Variants in NAV2 observed in about 807,000 individuals in gnomAD.
NAV2 encodes helicase, APC down-regulated 1.
NAV2 carries 54 observed loss-of-function variants against 223.2 expected under a neutral mutation model. The observed-to-expected ratio is 0.24, with a 90% confidence interval of 0.19 to 0.30. The LOEUF is 0.30. Among genes scored for constraint, NAV2 ranks in the 10% least tolerant of loss-of-function variants. The probability of loss-of-function intolerance (pLI) is 1.00; values close to 1 mark genes in which losing one functional copy is unlikely to be tolerated. For synonymous variants in NAV2, 1,279 were observed against 1,239.3 expected, an observed-to-expected ratio of 1.03 and a Z score of -0.67; for missense variants, 2,806 against 3,147.5, an observed-to-expected ratio of 0.89 and a Z score of 2.60.
intron 11 of NAV2, among the ~76,000 whole-genome samples, chr11:20,026,099 A>G (rs1419491737): frequency 1.3e-5 from 2 of 152,134 alleles, no homozygotes; most frequent in Non-Finnish European, 2.9e-5. Flanking sequence ...TTTTTTCTGC[A>G]GAGCTGTGGT....
intron 1 of NAV2, among the ~76,000 whole-genome samples, chr11:19,351,418 A>C (rs1005074975): frequency 5.3e-5 from 8 of 152,190 alleles, no homozygotes; most frequent in African/African-American, 1.9e-4. Flanking sequence ...TGTTTGAATT[A>C]TTCTCTGTGT....
chr11:19,592,235 C>T (rs1396874546), intron 1 of NAV2, among the ~76,000 whole-genome samples: 1 of 152,110 alleles, frequency 6.6e-6, no homozygotes, highest in Non-Finnish European at 1.5e-5. Flanking sequence ...CCAGCTGCTT[C>T]AGCCACCTTG....
At chr11:19,628,616 G>A (rs1316241734) in intron 1 of NAV2, among the ~76,000 whole-genome samples, 2 of 152,084 alleles carry the variant, frequency 1.3e-5, no homozygotes, top group Non-Finnish European at 2.9e-5. Context: ...CTGAAGTCCG[G>A]ATTCCTACAC....
At chr11:19,616,480 A>G (rs2046797591) in intron 1 of NAV2, among the ~76,000 whole-genome samples, 1 of 151,336 alleles carries the variant, frequency 6.6e-6, no homozygotes, top group Non-Finnish European at 1.5e-5. Context: ...TGTTGTTGAG[A>G]CTCTCCTAGG....
At chr11:19,547,379 T>C (rs906624584) in intron 1 of NAV2, among the ~76,000 whole-genome samples, 7 of 152,180 alleles carry the variant, frequency 4.6e-5, no homozygotes, top group African/African-American at 1.7e-4. Flanking sequence ...AACACAAAAC[T>C]GCTGACACCA....
chr11:19,556,468 C>A (rs1379070553), intron 1 of NAV2, among the ~76,000 whole-genome samples: 1 of 152,162 alleles, frequency 6.6e-6, no homozygotes, highest in Non-Finnish European at 1.5e-5. Flanking sequence ...CTGGAGGAAC[C>A]ACAGCAGGGA....
At chr11:19,793,749 G>T (rs941928001) in intron 1 of NAV2, among the ~76,000 whole-genome samples, 2 of 152,150 alleles carry the variant, frequency 1.3e-5, no homozygotes, top group Non-Finnish European at 2.9e-5. Flanking sequence ...CCCTGTCCTG[G>T]CCTGGAGTGC....
chr11:20,093,177 A>T lies in NAV2; in HGVS notation c.5894A>T (p.Gln1965Leu), dbSNP rs770289376. ...GRHVKIVVSF[Q>L]EEMKWKEDSR... is the part of the protein sequence containing the mutation. ...CATGTTAAGATAGTTGTCAGCTTTC[A>T]GGAGGAAATGAAGTGGAAGGAGGTT... The change falls in exon 29 of 38, where the codon CAG becomes CTG. Residue 1965 changes from glutamine to leucine, a missense_variant. By Grantham distance (113) the Gln-to-Leu change is moderately radical. Transcript: ENST00000349880. 3 of 1,613,774 alleles carry T rather than the reference A, an allele frequency of 1.9e-6. No homozygotes were observed. The South Asian group carries it at 3.3e-5, about 18-fold the overall frequency.
intron 2 of NAV2, 25 bp downstream of exon 2, chr11:19,832,626 G>A (rs370144719): frequency 2.0e-5 from 32 of 1,591,862 alleles, no homozygotes; most frequent in Admixed American, 5.0e-5. Context: ...TACCTTGGGG[G>A]TAATGAGTTA....
chr11:19,685,961 G>A (rs1293690580), intron 1 of NAV2, among the ~76,000 whole-genome samples: 2 of 142,236 alleles, frequency 1.4e-5, no homozygotes, highest in South Asian at 4.9e-4. Flanking sequence ...ACTCTCCAGA[G>A]GCTTCTCACA....
At chr11:20,055,722 C>G in intron 18 of NAV2, 47 bp from the exon 19 acceptor site, 1 of 1,529,584 alleles carries the variant, frequency 6.5e-7, no homozygotes, top group Non-Finnish European at 9.0e-7. Flanking sequence ...AGGATTTGAA[C>G]AGAGACATGA....
chr11:19,532,870 T>C (rs7117077), intron 1 of NAV2, among the ~76,000 whole-genome samples: 46,380 of 152,146 alleles, frequency 0.3, 10,480 homozygotes, highest in African/African-American at 0.65. Context: ...AATGGAGTGT[T>C]CCTGCAAAAA....
chr11:19,811,809 G>C (rs2058847879), intron 1 of NAV2, among the ~76,000 whole-genome samples: 1 of 152,092 alleles, frequency 6.6e-6, no homozygotes, highest in Non-Finnish European at 1.5e-5. Flanking sequence ...GGATTCTAGG[G>C]GGATGGTACT....
At chr11:19,520,267 C>A (rs1224484481) in intron 1 of NAV2, among the ~76,000 whole-genome samples, 4 of 152,242 alleles carry the variant, frequency 2.6e-5, no homozygotes, top group Non-Finnish European at 4.4e-5. Flanking sequence ...AGCCCAGGAG[C>A]TGACACCAGC....
At chr11:20,105,480 A>G (rs1258739286) in intron 34 of NAV2, 51 bp from the exon 35 acceptor site, 1 of 1,512,508 alleles carries the variant, frequency 6.6e-7, no homozygotes, top group Non-Finnish European at 9.1e-7. Context: ...GAGGTCAGCC[A>G]TCATTTGGAT....
chr11:19,447,442 A>G (rs977122490), intron 1 of NAV2, among the ~76,000 whole-genome samples: 2 of 152,158 alleles, frequency 1.3e-5, no homozygotes, highest in Admixed American at 6.5e-5. Flanking sequence ...CAGCTCCACC[A>G]CTTCCTGGCT....
intron 1 of NAV2, among the ~76,000 whole-genome samples, chr11:19,657,680 C>T (rs568939725): frequency 3.9e-5 from 6 of 152,146 alleles, no homozygotes; most frequent in Non-Finnish European, 5.9e-5. Context: ...AAAGACTGTG[C>T]TAATGTCCCT....
chr11:19,385,925 C>T (rs1040813053), intron 1 of NAV2, among the ~76,000 whole-genome samples: 6 of 151,986 alleles, frequency 3.9e-5, no homozygotes, highest in African/African-American at 1.5e-4. Flanking sequence ...CCATGCCTGG[C>T]TAATTTTTTT....
chr11:19,697,021 A>C (rs1284894251), intron 1 of NAV2, among the ~76,000 whole-genome samples: 1 of 152,214 alleles, frequency 6.6e-6, no homozygotes, highest in African/African-American at 2.4e-5. Context: ...GCATTGTGGA[A>C]CTAGAATAGG....
Sources: allele counts gnomAD v4.1 joint callset (sites outside exome capture counted in the v4.1 genomes callset), GRCh38; gene constraint gnomAD v4.1.1; transcripts MANE v1.5; gene names NCBI Gene and HGNC (gene_info 2026-07-23, HGNC 2026-07-21).